Variants in ZFTA observed in about 807,000 individuals in gnomAD.
ZFTA encodes the protein zinc finger translocation-associated protein.
ZFTA carries 35 observed loss-of-function variants against 41.8 expected under a neutral mutation model. The ratio of observed to expected loss-of-function variants is 0.84; its 90% CI spans 0.64 to 1.11. The LOEUF is 1.11. Among genes scored for constraint, ZFTA ranks in the 50% most tolerant of loss-of-function variants. The pLI is 0.00. For synonymous variants in ZFTA, 514 were observed against 436.4 expected (o/e 1.18, Z -2.22); for missense variants, 964 against 989.8 (o/e 0.97, Z 0.35).
Position 63,765,105 on chromosome 11 carries a change from A to G in ZFTA, c.787T>C (p.Ser263Pro), listed in dbSNP as rs1199526119. Residue 263 changes from serine to proline, a missense_variant, in exon 3 of 5, where the codon TCC becomes CCC. By Grantham distance (74) the Ser-to-Pro change is moderately conservative. Around this residue, in one of 5 missense-constraint regions of ZFTA, gnomAD observed 584 missense variants for 523.1 expected, o/e 1.12. Transcript: ENST00000433688. The surrounding 1 kb of genome is among the most constrained non-coding windows in gnomAD (Gnocchi z 4.0). ...TCGGCCCGGAACCAGTTCTGCAGGG[A>G]CTCCTTCAGCCTCCTCTCCAGGCGC... is the stretch of plus-strand genomic sequence containing the variant. The part of the protein sequence containing the change: ...ARRLERRLKE[S>P]LQNWFRAECL... 7 of 1,547,602 alleles carry G rather than the reference A, an allele frequency of 4.5e-6. No individual in the cohort carries two copies. Among genetic ancestry groups the G allele is most frequent in the Non-Finnish European group, 6.1e-6 (7 of 1,146,138 alleles).
At position 63,764,041 on chromosome 11, in the gene ZFTA, ACTCCTC is replaced by A. The variant is rs747555071; in HGVS notation, c.1576_1581del (p.Glu526_Glu527del). The A allele has an allele frequency of 2.5e-4, 317 of 1,287,746 alleles. 1 individual carries two copies. In the African/African-American group the frequency reaches 4.7e-3, roughly 19 times the overall value. The allele number at this position is 1,287,746 out of a possible 1,614,324, so 79.8% of individuals were successfully genotyped here. On this transcript the variant is annotated inframe_deletion, in exon 4 of 5. Coordinates refer to ENST00000433688, the MANE Select transcript of ZFTA (RefSeq NM_001144936.2). ...CTGCTCTGGCCCCACCGCTCACCCC[ACTCCTC>A]CTCCTCCTCCTCTGGCTCCTCCTCC...
rs1481527123 is a variant in ZFTA, at chr11:63,763,204, G to A, written c.*214C>T. The stretch of plus-strand genomic sequence containing the variant: ...GATGGGAGAGTGCGCTTCCCGCAGC[G>A]CACCGACTGGCTCAGGGACCCAAGT... On this transcript the variant is annotated 3_prime_UTR_variant, in exon 5 of 5. Transcript: ENST00000433688. 4 of 218,504 alleles carry A rather than the reference G, an allele frequency of 1.8e-5. No homozygotes were observed. The highest frequency in any genetic ancestry group is 3.6e-5 in the Non-Finnish European group (4 of 111,514). The allele number at this position is 218,504 out of a possible 1,614,324, so 13.5% of individuals were successfully genotyped here.
chr11:63,765,384 C>A lies in ZFTA; in HGVS notation c.638-130G>T. ...ACCTTTGCCCTTCTCTTCCTCTCTC[C>A]TGAAATCCTAACTCCCTAAACCCTC... On this transcript the variant is annotated intron_variant, in intron 2 of 4. Transcript: ENST00000433688. This position sits in a 1 kb window ranked among gnomAD's most constrained non-coding sequence, Gnocchi z 4.0. The A allele has an allele frequency of 9.2e-7, 1 of 1,091,834 alleles. No individual in the cohort carries two copies. The highest frequency in any genetic ancestry group is 1.2e-6 in the Non-Finnish European group (1 of 807,626). 67.6% of individuals were successfully genotyped at this position (1,091,834 alleles called of 1,614,324 possible). A position where few individuals can be genotyped will look rare whatever the true frequency, so the allele number is the denominator to read the frequency against.
rs2014613047 is a variant in ZFTA at position 63,760,761 on chromosome 11, T to C, written c.*2657A>G. On this transcript the variant is annotated 3_prime_UTR_variant, in exon 5 of 5. Transcript: ENST00000433688. Reference sequence around the variant, plus strand: ...GGCACTTCAGCTGCATCAAGATCAATGGAGGGCTCATGAAAACACTGCTAG... The same window carrying C: ...GGCACTTCAGCTGCATCAAGATCAACGGAGGGCTCATGAAAACACTGCTAG... The C allele has an allele frequency of 6.6e-6, 1 of 152,214 alleles. No homozygotes were observed. The highest frequency in any genetic ancestry group is 2.4e-5 in the African/African-American group (1 of 41,452). The allele number at this position is 152,214 out of a possible 1,614,324, so 9.4% of individuals were successfully genotyped here.
In ZFTA at chr11:63,764,386, C is replaced by T. The variant is rs1354113802; in HGVS notation, c.1237G>A (p.Ala413Thr). 1.5e-5 allele frequency: 20 copies of T among 1,290,926 alleles called. No homozygotes were observed. The highest frequency in any genetic ancestry group is 1.9e-5 in the Non-Finnish European group (19 of 1,022,788). The allele number at this position is 1,290,926 out of a possible 1,614,324, so 80.0% of individuals were successfully genotyped here. Residue 413 changes from alanine to threonine, a missense_variant, in exon 4 of 5, where the codon GCC becomes ACC. Around this residue, in one of 5 missense-constraint regions of ZFTA, gnomAD observed 584 missense variants for 523.1 expected, o/e 1.12. Coordinates refer to ENST00000433688, the MANE Select transcript of ZFTA (RefSeq NM_001144936.2). Reference protein sequence around the residue: ...GVPGRSPRGRAHRRHPQERWR... With the variant: ...GVPGRSPRGRTHRRHPQERWR... ...CGCTCCTGGGGGTGGCGGCGGTGGG[C>T]GCGGCCCCGCGGCGACCGGCCCGGG...
Position 63,762,748 on chromosome 11 carries a change from G to C in ZFTA, c.*670C>G, listed in dbSNP as rs972753001. On this transcript the variant is annotated 3_prime_UTR_variant, in exon 5 of 5. Transcript: ENST00000433688. ...GCGCACGGTTCTCACTGAGCCTGCC[G>C]GGGAGGTAAGCGCAGCTGGTCCAGC... The C allele has an allele frequency of 6.6e-6, 1 of 152,294 alleles. No individual in the cohort carries two copies. The allele number at this position is 152,294 out of a possible 1,614,324, so 9.4% of individuals were successfully genotyped here. A position where few individuals can be genotyped will look rare whatever the true frequency, so the allele number is the denominator to read the frequency against.
Position 63,763,370 on chromosome 11 carries a change from G to GGGGCC in ZFTA, c.*43_*47dup. The GGGGCC allele has an allele frequency of 4.2e-6, 5 of 1,191,126 alleles. No homozygotes were observed. The highest frequency in any genetic ancestry group is 5.2e-6 in the Non-Finnish European group (5 of 955,466). 73.8% of individuals were successfully genotyped at this position (1,191,126 alleles called of 1,614,324 possible). A position where few individuals can be genotyped will look rare whatever the true frequency, so the allele number is the denominator to read the frequency against. ...GGGCCGGGCGAGCACAGGGCGGGGCGGGGCCGATCCGACCCGACCCGACCT... is the reference window on the plus strand; with the variant it reads ...GGGCCGGGCGAGCACAGGGCGGGGCGGGGCCGGGCCGATCCGACCCGACCCGACCT... On this transcript the variant is annotated 3_prime_UTR_variant, in exon 5 of 5. Transcript: ENST00000433688.
rs1389767145 is a variant in ZFTA at position 63,760,281 on chromosome 11, TC to T, written c.*3136del. 5.9e-5 allele frequency: 9 copies of T among 152,208 alleles called. No individual in the cohort carries two copies. The highest frequency in any genetic ancestry group is 5.9e-4 in the Admixed American group (9 of 15,290). The allele number at this position is 152,208 out of a possible 1,614,324, so 9.4% of individuals were successfully genotyped here. A position where few individuals can be genotyped will look rare whatever the true frequency, so the allele number is the denominator to read the frequency against. On this transcript the variant is annotated 3_prime_UTR_variant, in exon 5 of 5. Coordinates refer to ENST00000433688, the MANE Select transcript of ZFTA (RefSeq NM_001144936.2). ...CCGTGGAAAATGGGAACTAAATACA[TC>T]ATCAGGTCTTCATTGAAAGAACTTG...
chr11:63,763,286 C>A lies in ZFTA; in HGVS notation c.*132G>T, dbSNP rs1307282160. ...ATCCCCCGTCTCCGCCCGGCCCGGC[C>A]AGCGGGGGGCGCGGCCGCGGGAAGC... is the stretch of plus-strand genomic sequence containing the variant. On this transcript the variant is annotated 3_prime_UTR_variant, in exon 5 of 5. Transcript: ENST00000433688. The A allele has an allele frequency of 8.1e-6, 5 of 617,952 alleles. No individual in the cohort carries two copies. Among genetic ancestry groups the A allele is most frequent in the African/African-American group, 2.0e-5 (1 of 49,830 alleles). The allele number at this position is 617,952 out of a possible 1,614,324, so 38.3% of individuals were successfully genotyped here.
intron 1 of ZFTA, among the ~76,000 whole-genome samples, chr11:63,766,649 G>T (rs2014751181): frequency 6.6e-6 from 1 of 152,196 alleles, no homozygotes; most frequent in Non-Finnish European, 1.5e-5. Context: ...GAGAGCAGCA[G>T]GCCAGGGCGG....
At position 63,765,182 on chromosome 11, in the gene ZFTA, AGACGCC is replaced by A. The variant is rs1590910474; in HGVS notation, c.704_709del (p.Arg235_Arg236del). The A allele has an allele frequency of 6.5e-7, 1 of 1,530,032 alleles. No individual in the cohort carries two copies. Among genetic ancestry groups the A allele is most frequent in the Non-Finnish European group, 8.8e-7 (1 of 1,139,746 alleles). The allele number at this position is 1,530,032 out of a possible 1,614,324, so 94.8% of individuals were successfully genotyped here. A position where few individuals can be genotyped will look rare whatever the true frequency, so the allele number is the denominator to read the frequency against. On this transcript the variant is annotated inframe_deletion, in exon 3 of 5. Transcript: ENST00000433688. The surrounding 1 kb of genome is among the most constrained non-coding windows in gnomAD (Gnocchi z 4.0). Reference sequence around the variant, plus strand: ...GGCCCTCCGGGAGGCTGAGAGGCGCAGACGCCGAGCCCGGGGTGCCACTGGGCCCCC... The same window carrying A: ...GGCCCTCCGGGAGGCTGAGAGGCGCAGAGCCCGGGGTGCCACTGGGCCCCC...
intron 3 of ZFTA, 134 bp from the exon 4 acceptor site, chr11:63,764,732 G>A (rs779354177): frequency 2.2e-5 from 30 of 1,355,026 alleles, no homozygotes; most frequent in Middle Eastern, 5.2e-4. Flanking sequence ...CTGGGGGCAG[G>A]GGGAAAGTAT....
chr11:63,763,443 T>G lies in ZFTA; in HGVS notation c.2012A>C (p.Lys671Thr). 2.1e-6 allele frequency: 3 copies of G among 1,403,442 alleles called. No individual in the cohort carries two copies. Among genetic ancestry groups the G allele is most frequent in the Non-Finnish European group, 2.8e-6 (3 of 1,079,434 alleles). 86.9% of individuals were successfully genotyped at this position (1,403,442 alleles called of 1,614,324 possible). ...PAPRDGGADL[K>T]SGAVCRA ...CTACGCCCGACACACAGCGCCAGAC[T>G]TGAGGTCCGCGCCGCCGTCACGCGG... The change falls in exon 5 of 5, where the codon AAG becomes ACG. Residue 671 changes from lysine (K) to threonine (T), a missense_variant. Coordinates refer to ENST00000433688, the MANE Select transcript of ZFTA (RefSeq NM_001144936.2).
Position 63,762,876 on chromosome 11 carries a change from C to T in ZFTA, c.*542G>A, listed in dbSNP as rs1408006796. The T allele has an allele frequency of 6.6e-6, 1 of 152,176 alleles. No homozygotes were observed. Among genetic ancestry groups the T allele is most frequent in the African/African-American group, 2.4e-5 (1 of 41,448 alleles). The allele number at this position is 152,176 out of a possible 1,614,324, so 9.4% of individuals were successfully genotyped here. ...CAGCCTCCCGCTGGAAGCCCCAGTCCGCAGCCGGGGCCTCCGAGAGGCCGA... is the reference window on the plus strand; with the variant it reads ...CAGCCTCCCGCTGGAAGCCCCAGTCTGCAGCCGGGGCCTCCGAGAGGCCGA... On this transcript the variant is annotated 3_prime_UTR_variant, in exon 5 of 5. Coordinates refer to ENST00000433688, the MANE Select transcript of ZFTA (RefSeq NM_001144936.2).
At position 63,765,683 on chromosome 11, in the gene ZFTA, G is replaced by A. The variant is rs2014732807; in HGVS notation, c.637+124C>T. 2 of 1,329,138 alleles carry A rather than the reference G, an allele frequency of 1.5e-6. No individual in the cohort carries two copies. The highest frequency in any genetic ancestry group is 9.9e-7 in the Non-Finnish European group (1 of 1,012,500). The allele number at this position is 1,329,138 out of a possible 1,614,324, so 82.3% of individuals were successfully genotyped here. A position where few individuals can be genotyped will look rare whatever the true frequency, so the allele number is the denominator to read the frequency against. On this transcript the variant is annotated intron_variant, in intron 2 of 4. Transcript: ENST00000433688. The surrounding 1 kb of genome is among the most constrained non-coding windows in gnomAD (Gnocchi z 4.0). The stretch of plus-strand genomic sequence containing the variant: ...CTTTGTATAATAAGGGCAATAAACA[G>A]ACCCCACCCAGAGGAGGAGCAGTGC...
In ZFTA at chr11:63,765,253, G is replaced by C; in HGVS notation, c.639C>G (p.Gly213=). The part of the protein sequence containing the change: ...GVPACPPKGP[G]KAPAGGGCRR... ...GGCAGCCCCCACCAGCTGGGGCTTT[G>C]CCTGAAAGGGTTGGAGGGAAGGAAC... The change falls in exon 3 of 5, where the codon GGC becomes GGG. Residue 213 remains glycine, a splice_region_variant and synonymous_variant. Coordinates refer to ENST00000433688, the MANE Select transcript of ZFTA (RefSeq NM_001144936.2). The surrounding 1 kb of genome is among the most constrained non-coding windows in gnomAD (Gnocchi z 4.0). The C allele has an allele frequency of 1.4e-6, 2 of 1,448,590 alleles. No homozygotes were observed. The highest frequency in any genetic ancestry group is 9.0e-7 in the Non-Finnish European group (1 of 1,107,934). The allele number at this position is 1,448,590 out of a possible 1,614,324, so 89.7% of individuals were successfully genotyped here. A position where few individuals can be genotyped will look rare whatever the true frequency, so the allele number is the denominator to read the frequency against.
chr11:63,764,478 G>A lies in ZFTA; in HGVS notation c.1145C>T (p.Pro382Leu). The change falls in exon 4 of 5, where the codon CCT becomes CTT. Residue 382 changes from proline to leucine, a missense_variant. By Grantham distance (98) the Pro-to-Leu change is moderately conservative. Transcript: ENST00000433688. ...PDVKEEAGWV[P>L]ERPGPAEEEE... is the part of the protein sequence containing the mutation. ...CTCCTCTGCGGGCCCGGGCCTCTCA[G>A]GGACCCAGCCAGCCTCTTCCTTTAC... is the stretch of plus-strand genomic sequence containing the variant. 1 of 1,262,518 alleles carries A rather than the reference G, an allele frequency of 7.9e-7. No individual in the cohort carries two copies. Among genetic ancestry groups the A allele is most frequent in the East Asian group, 3.1e-5 (1 of 31,772 alleles). The allele number at this position is 1,262,518 out of a possible 1,614,324, so 78.2% of individuals were successfully genotyped here.
At chr11:63,767,562 G>A (rs1032343968) in intron 1 of ZFTA, 1 of 152,170 alleles carries the variant, frequency 6.6e-6, no homozygotes, top group East Asian at 1.9e-4. Flanking sequence ...AGTCTAAGGT[G>A]GATTGGCCCT....
chr11:63,768,122 G>A (rs1379359794), intron 1 of ZFTA, among the ~76,000 whole-genome samples: 1 of 152,092 alleles, frequency 6.6e-6, no homozygotes, highest in Non-Finnish European at 1.5e-5. Flanking sequence ...GAGAAAGCCC[G>A]ATTAGGGAGA....
Sources: gnomAD v4.1 joint callset for allele counts (sites outside exome capture counted in the v4.1 genomes callset) on GRCh38, gnomAD v4.1.1 for gene constraint, gnomAD v4.1.1 regional missense constraint, Gnocchi (gnomAD v3.1) non-coding constraint, MANE v1.5 for transcripts, NCBI Gene and HGNC (gene_info 2026-07-23, HGNC 2026-07-21) for gene names.